Variants in CFAP43 observed in about 807,000 individuals in gnomAD.
The protein encoded by CFAP43 is cilia- and flagella-associated protein 43.
Under a neutral mutation model 218.9 loss-of-function variants are expected in CFAP43, and 155 were observed. The ratio of observed to expected loss-of-function variants is 0.71; its 90% CI spans 0.62 to 0.81. The LOEUF (loss-of-function observed/expected upper bound fraction) is 0.81, where lower values mean the gene tolerates loss of function less well. Among genes scored for constraint, CFAP43 ranks in the 30% least tolerant of loss-of-function variants. The pLI, the probability that CFAP43 is intolerant of heterozygous loss-of-function variation, is 0.00. For synonymous variants in CFAP43, 645 were observed against 681.3 expected (o/e 0.95, Z 0.83); for missense variants, 1,778 against 1,954.3 (o/e 0.91, Z 1.70).
intron 3 of CFAP43, 83 bp from the exon 4 acceptor site, chr10:104,214,509 T>C: frequency 8.6e-7 from 1 of 1,160,784 alleles, no homozygotes; most frequent in Non-Finnish European, 1.2e-6. Context: ...TTAATTTACA[T>C]AAATTGGGAT....
intron 8 of CFAP43, among the ~76,000 whole-genome samples, chr10:104,201,835 A>G (rs1355497229): frequency 1.3e-5 from 2 of 151,718 alleles, no homozygotes; most frequent in Non-Finnish European, 2.9e-5. Context: ...ATTCTTTAGA[A>G]TTTTCTCTAG....
rs966028831 is a variant in CFAP43 at position 104,131,104 on chromosome 10, C to A, written c.4831+227G>T. Among the ~76,000 whole-genome samples the A allele has an allele frequency of 8.6e-5, 13 of 151,744 alleles. No homozygotes were observed. In the South Asian group the frequency reaches 1.2e-3, roughly 15 times the overall value. On this transcript the variant is annotated intron_variant, in intron 37 of 37. Coordinates refer to ENST00000357060, the MANE Select transcript of CFAP43 (RefSeq NM_025145.7). ...AAATTATGGGGTACTATGCTCAGTA[C>A]CTGTGTGACGGAATCATTCCGTACC...
At chr10:104,131,601 C>T (rs2087198194) in intron 36 of CFAP43, 117 bp from the exon 37 acceptor site, 4 of 1,174,620 alleles carry the variant, frequency 3.4e-6, no homozygotes, top group Non-Finnish European at 4.6e-6. Flanking sequence ...TAACATCTTA[C>T]CGCCATATCT....
At chr10:104,228,077 C>T (rs1015971887) in intron 2 of CFAP43, among the ~76,000 whole-genome samples, 5 of 151,920 alleles carry the variant, frequency 3.3e-5, no homozygotes, top group African/African-American at 9.7e-5. Flanking sequence ...CTCCTGACCT[C>T]GTGATCCACC....
At position 104,167,613 on chromosome 10, in the gene CFAP43, A is replaced by T; in HGVS notation, c.2808+8T>A. ...CTTATATAAACACATGTATATTTAA[A>T]ATAGTACTTTAAGACACTCTGCTTC... On this transcript the variant is annotated splice_region_variant and intron_variant, in intron 22 of 37. Transcript: ENST00000357060. 1 of 1,589,330 alleles carries T rather than the reference A, an allele frequency of 6.3e-7. No homozygotes were observed. The highest frequency in any genetic ancestry group is 8.5e-7 in the Non-Finnish European group (1 of 1,170,144).
At chr10:104,136,349 C>CTTATTTTATT (rs556302792) in intron 34 of CFAP43, among the ~76,000 whole-genome samples, 164 of 148,198 alleles carry the variant, frequency 1.1e-3, no homozygotes, top group African/African-American at 3.7e-3. Flanking sequence ...TAGATATTTA[C>CTTATTTTATT]TTATTTTATT....
intron 36 of CFAP43, 134 bp downstream of exon 36, chr10:104,131,982 A>G: frequency 1.7e-6 from 1 of 582,230 alleles, no homozygotes. Context: ...AGGGACTTTT[A>G]ATTACCTCAT....
chr10:104,228,275 A>G (rs534977734), intron 2 of CFAP43, among the ~76,000 whole-genome samples: 8 of 152,056 alleles, frequency 5.3e-5, no homozygotes, highest in African/African-American at 1.4e-4. Flanking sequence ...TGAATAATCT[A>G]TATTTTTTCT....
intron 27 of CFAP43, among the ~76,000 whole-genome samples, chr10:104,159,572 G>A (rs1324009845): frequency 6.6e-6 from 1 of 152,140 alleles, no homozygotes; most frequent in African/African-American, 2.4e-5. Context: ...GTGGATGCAA[G>A]GCCATTTCAC....
intron 34 of CFAP43, among the ~76,000 whole-genome samples, chr10:104,140,359 T>G (rs2087650299): frequency 6.6e-6 from 1 of 152,124 alleles, no homozygotes; most frequent in Non-Finnish European, 1.5e-5. Flanking sequence ...ATCCTGGGGG[T>G]GGGGTCTGAG....
At chr10:104,184,153 C>G (rs1192942865) in intron 16 of CFAP43, among the ~76,000 whole-genome samples, 1 of 152,178 alleles carries the variant, frequency 6.6e-6, no homozygotes, top group African/African-American at 2.4e-5. Flanking sequence ...CATCTTGTTT[C>G]TAGTCTCACA....
Position 104,193,871 on chromosome 10 carries a change from G to A in CFAP43, c.1437C>T (p.His479=), listed in dbSNP as rs143713336. Residue 479 remains histidine, a synonymous_variant, in exon 11 of 38, where the codon CAC becomes CAT. Transcript: ENST00000357060. ...KAFLSESSVQ[H]VVYDQQGIFL... The stretch of plus-strand genomic sequence containing the variant: ...TGGAGGCAGAAAGGACTTACACGAC[G>A]TGCTGCACGGACGATTCCGAGAGAA... The A allele has an allele frequency of 2.8e-5, 45 of 1,614,056 alleles. No individual in the cohort carries two copies. The African/African-American group carries it at 4.0e-4, about 14-fold the overall frequency.
chr10:104,230,825 A>G lies in CFAP43; in HGVS notation c.84T>C (p.Pro28=). Reference sequence around the variant, plus strand: ...CGTTGACAAAATGAACATTCTGCTTAGGGAATCCTTGCACCCATCTTTGGG... The same window carrying G: ...CGTTGACAAAATGAACATTCTGCTTGGGGAATCCTTGCACCCATCTTTGGG... ...SLSVRWVQGF[P]KQNVHFVNDN... Residue 28 remains proline, a synonymous_variant, in exon 2 of 38, where the codon CCT becomes CCC. Transcript: ENST00000357060. 2 of 1,612,194 alleles carry G rather than the reference A, an allele frequency of 1.2e-6. No homozygotes were observed. The highest frequency in any genetic ancestry group is 2.2e-5 in the South Asian group (2 of 90,682).
rs572884487 is a variant in CFAP43 at position 104,164,619 on chromosome 10, T to G, written c.3040-319A>C. 2.8e-4 allele frequency among the ~76,000 whole-genome samples: 42 copies of G among 152,258 alleles called. 2 individuals carry two copies. The South Asian group carries it at 5.4e-3, about 20-fold the overall frequency. ...TTCACTATGTTAGCCAGGATGGTCT[T>G]GATCTCCTGACCTTGTGATCCACCT... On this transcript the variant is annotated intron_variant, in intron 23 of 37. Transcript: ENST00000357060.
rs545481337 is a variant in CFAP43, at chr10:104,192,342, T to G, written c.1443-40A>C. On this transcript the variant is annotated intron_variant, in intron 11 of 37. Transcript: ENST00000357060. ...ATCTGATGATCAAATCCCAATTGTT[T>G]CACCAGCTAGATGGTGAACAAGTTT... 6 of 1,476,652 alleles carry G rather than the reference T, an allele frequency of 4.1e-6. No homozygotes were observed. In the African/African-American group the frequency reaches 8.3e-5, roughly 20 times the overall value. 91.5% of individuals were successfully genotyped at this position (1,476,652 alleles called of 1,614,324 possible). A position where few individuals can be genotyped will look rare whatever the true frequency, so the allele number is the denominator to read the frequency against.
At position 104,198,864 on chromosome 10, in the gene CFAP43, C is replaced by T. The variant is rs1236110832; in HGVS notation, c.1096-826G>A. Among the ~76,000 whole-genome samples, 18 of 149,824 alleles carry T rather than the reference C, an allele frequency of 1.2e-4. No homozygotes were observed. In the East Asian group the frequency reaches 3.5e-3, roughly 29 times the overall value. On this transcript the variant is annotated intron_variant, in intron 8 of 37. Transcript: ENST00000357060. ...TGGGGTTTCACCATGTTGGCCAGGC[C>T]GGTCTCAAACTCCTGACCTCAAGTA...
At chr10:104,223,461 A>G (rs2091234935) in intron 3 of CFAP43, among the ~76,000 whole-genome samples, 1 of 152,238 alleles carries the variant, frequency 6.6e-6, no homozygotes, top group Non-Finnish European at 1.5e-5. Flanking sequence ...CCCATTTTAC[A>G]GAGGAAGAAA....
intron 27 of CFAP43, among the ~76,000 whole-genome samples, chr10:104,155,660 A>C (rs1267616133): frequency 6.6e-6 from 1 of 152,106 alleles, no homozygotes; most frequent in Non-Finnish European, 1.5e-5. Context: ...AGGAATCTCC[A>C]CCATAATAGG....
At chr10:104,143,309 AATACTACCCT>A in intron 32 of CFAP43, 107 bp downstream of exon 32, 1 of 878,580 alleles carries the variant, frequency 1.1e-6, no homozygotes, top group Non-Finnish European at 1.7e-6. Context: ...ACTATGACCA[AATACTACCCT>A]AGCAGGGAAA....
Sources: gnomAD v4.1 joint callset for allele counts (sites outside exome capture counted in the v4.1 genomes callset) on GRCh38, gnomAD v4.1.1 for gene constraint, MANE v1.5 for transcripts, NCBI Gene and HGNC (gene_info 2026-07-23, HGNC 2026-07-21) for gene names.